Variants in RNF14 observed in about 807,000 individuals in gnomAD.
The protein encoded by RNF14 is E3 ubiquitin-protein ligase RNF14.
Under a neutral mutation model 52.6 loss-of-function variants are expected in RNF14, and 26 were observed. The ratio of observed to expected loss-of-function variants is 0.49; its 90% CI spans 0.36 to 0.69. RNF14 has a LOEUF of 0.69. Among genes scored for constraint, RNF14 ranks in the 30% least tolerant of loss-of-function variants. RNF14 has a pLI of 0.00. For synonymous variants in RNF14, 194 were observed against 202.0 expected, an observed-to-expected ratio of 0.96 and a Z score of 0.34; for missense variants, 404 against 560.4, an observed-to-expected ratio of 0.72 and a Z score of 2.82.
chr5:141,975,478 T>A (rs1754163408), intron 4 of RNF14, among the ~76,000 whole-genome samples: 1 of 152,200 alleles, frequency 6.6e-6, no homozygotes, highest in African/African-American at 2.4e-5. Flanking sequence ...CATAAATGCA[T>A]ACAAGTAGAA....
At chr5:141,973,559 C>G (rs372940185) in intron 2 of RNF14, 24 bp from the exon 3 acceptor site, 72 of 1,596,142 alleles carry the variant, frequency 4.5e-5, no homozygotes, top group Non-Finnish European at 5.9e-5. Context: ...ATTTTCTGTT[C>G]TTAACTGATT....
chr5:141,956,548 T>G (rs1483897351), upstream of RNF14: 4 of 1,614,118 alleles, frequency 2.5e-6, no homozygotes, highest in Admixed American at 1.7e-5. Context: ...CTGGAGTCCT[T>G]GGTCTTGGGC....
chr5:141,972,255 G>T (rs1050898461), intron 2 of RNF14, among the ~76,000 whole-genome samples: 12 of 151,284 alleles, frequency 7.9e-5, no homozygotes, highest in Non-Finnish European at 1.8e-4. Flanking sequence ...TTTGAGACAG[G>T]GTCCCACTTT....
chr5:141,975,233 T>C (rs1018417549), intron 4 of RNF14, among the ~76,000 whole-genome samples: 6 of 152,236 alleles, frequency 3.9e-5, no homozygotes, highest in Admixed American at 3.9e-4. Context: ...TATTTTCCTG[T>C]TTAATCTGTA....
chr5:141,970,217 A>G (rs1181859366), intron 1 of RNF14, among the ~76,000 whole-genome samples: 1 of 152,224 alleles, frequency 6.6e-6, no homozygotes, highest in Non-Finnish European at 1.5e-5. Flanking sequence ...ATTTAGAATA[A>G]AACTTAAAAG....
In RNF14 at chr5:141,980,246, C is replaced by G; in HGVS notation, c.958C>G (p.Gln320Glu). ...GCCGTGCTGCCAGCTGCCTGTGATG[C>G]AGGAACCTGGCTGCACCATGGGTAT... is the stretch of plus-strand genomic sequence containing the variant. ...PRPCCQLPVM[Q>E]EPGCTMGICS... Residue 320 changes from glutamine (Q) to glutamate (E), a missense_variant, in exon 6 of 9, where the codon CAG (glutamine) becomes GAG (glutamate). Transcript: ENST00000394520. 6.2e-7 allele frequency: 1 copy of G among 1,614,244 alleles called. No individual in the cohort carries two copies.
chr5:141,978,151 G>A, intron 4 of RNF14, 152 bp from the exon 5 acceptor site: 1 of 485,516 alleles, frequency 2.1e-6, no homozygotes, highest in Non-Finnish European at 3.4e-6. Flanking sequence ...TGTTTGTACT[G>A]TTTTGTATGT....
chr5:141,958,953 G>T (rs2126933035), intron 1 of RNF14: 1 of 152,378 alleles, frequency 6.6e-6, no homozygotes, highest in Middle Eastern at 3.4e-3. Flanking sequence ...TCTTGGATTG[G>T]CCCTGGGGCA....
At chr5:141,971,789 A>G (rs747653381) in intron 2 of RNF14, among the ~76,000 whole-genome samples, 9 of 151,742 alleles carry the variant, frequency 5.9e-5, no homozygotes, top group Non-Finnish European at 1.0e-4. Context: ...CTGGGATTAC[A>G]TGCGTGTACC....
At chr5:141,950,400 G>C in the RNF14 span, among the ~76,000 whole-genome samples, 8 of 152,200 alleles carry the variant, frequency 5.3e-5, no homozygotes, top group Non-Finnish European at 2.9e-5. Context: ...GAGGTGGCAA[G>C]TGTGTGGGTG....
At chr5:141,978,970 T>A in intron 5 of RNF14, 140 bp downstream of exon 5, 2 of 846,192 alleles carry the variant, frequency 2.4e-6, no homozygotes, top group Non-Finnish European at 3.6e-6. Context: ...CTGTATCCAT[T>A]AAAAATGCTA....
At chr5:141,951,377 C>A in the RNF14 span, 1 of 764,426 alleles carries the variant, frequency 1.3e-6, no homozygotes, top group Non-Finnish European at 2.3e-6. Flanking sequence ...CTGCTGCACC[C>A]TCCCAGGGGA....
chr5:141,967,575 C>G (rs1311356015), upstream of RNF14, among the ~76,000 whole-genome samples: 1 of 152,178 alleles, frequency 6.6e-6, no homozygotes, highest in East Asian at 1.9e-4. Context: ...TATGTGACTG[C>G]ACGGGTTGCT....
chr5:141,978,452 A>G lies in RNF14; in HGVS notation c.456A>G (p.Lys152=), dbSNP rs1754454333. 1.2e-6 allele frequency: 2 copies of G among 1,614,206 alleles called. No homozygotes were observed. Among genetic ancestry groups the G allele is most frequent in the Non-Finnish European group, 1.7e-6 (2 of 1,180,038 alleles). Residue 152 remains lysine, a synonymous_variant, in exon 5 of 9, where the codon AAA becomes AAG. Transcript: ENST00000394520. ...SPFELKIGSQ[K]KVQRRTAQAS... is the part of the protein sequence containing the mutation. ...TTGAGCTCAAGATTGGTTCTCAGAA[A>G]AAAGTGCAGAGAAGGACAGCTCAAG...
chr5:141,969,055 A>G (rs1207876700), upstream of RNF14: 1 of 152,194 alleles, frequency 6.6e-6, no homozygotes, highest in East Asian at 1.9e-4. Context: ...AGTCCTCCCT[A>G]TGCCGGCGGT....
chr5:141,949,383 G>A, the RNF14 span: 2 of 1,562,072 alleles, frequency 1.3e-6, no homozygotes, highest in Non-Finnish European at 8.6e-7. Context: ...CTGAAGCTTG[G>A]ACACCATGGG....
At chr5:141,956,372 T>C (rs888407910), upstream of RNF14, 5 of 1,614,092 alleles carry the variant, frequency 3.1e-6, no homozygotes, top group African/African-American at 6.7e-5. Flanking sequence ...TATGAGACTT[T>C]TCCATTAATG....
At chr5:141,981,444 TA>T (rs1359984585) in intron 6 of RNF14, among the ~76,000 whole-genome samples, 2 of 152,140 alleles carry the variant, frequency 1.3e-5, no homozygotes, top group Non-Finnish European at 2.9e-5. Context: ...ACTCTGCTTC[TA>T]AAAAAATTAA....
Position 141,973,742 on chromosome 5 carries a change from GGTTA to G in RNF14, c.154+5_154+8del. 6.3e-7 allele frequency: 1 copy of G among 1,592,418 alleles called. No homozygotes were observed. The highest frequency in any genetic ancestry group is 8.5e-7 in the Non-Finnish European group (1 of 1,172,372). On this transcript the variant is annotated splice_donor_variant and splice_donor_region_variant and intron_variant, in intron 3 of 8. Transcript: ENST00000394520. LOFTEE classifies it high-confidence loss of function. Reference sequence around the variant, plus strand: ...ACAGAATTTCAAGATATTTGTGAGCGGTTAGTTAATAATTTCTTAAACAGATTTT... The same window carrying G: ...ACAGAATTTCAAGATATTTGTGAGCGGTTAATAATTTCTTAAACAGATTTT...
Sources: allele counts gnomAD v4.1 joint callset (sites outside exome capture counted in the v4.1 genomes callset), GRCh38; gene constraint gnomAD v4.1.1; transcripts MANE v1.5; gene names NCBI Gene and HGNC (gene_info 2026-07-23, HGNC 2026-07-21).